NLRC4: variants seen among roughly 807,000 people sequenced by gnomAD.
NLRC4 encodes NLR family CARD domain containing 4.
NLRC4 carries 63 observed loss-of-function variants against 79.9 expected under a neutral mutation model. The observed-to-expected ratio is 0.79, with a 90% confidence interval of 0.64 to 0.97. The LOEUF (loss-of-function observed/expected upper bound fraction) is 0.97. Among genes scored for constraint, NLRC4 ranks in the 50% least tolerant of loss-of-function variants. The pLI is 0.00. For synonymous variants in NLRC4, 461 were observed against 456.5 expected (o/e 1.01, Z -0.12); for missense variants, 1,074 against 1,215.2 (o/e 0.88, Z 1.73).
Position 32,224,607 on chromosome 2 carries a change from G to C in NLRC4, c.2941C>G (p.Pro981Ala). The change falls in exon 9 of 9, where the codon CCA becomes GCA. Residue 981 changes from proline to alanine, a missense_variant. Transcript: ENST00000402280. Reference protein sequence around the residue: ...DFSTKEFLPDPALVRKLSQVL... With the variant: ...DFSTKEFLPDAALVRKLSQVL... ...TGGCTAAGTTTTCTGACTAATGCTGGATCAGGTAGAAATTCTTTAGTACTA... is the reference window on the plus strand; with the variant it reads ...TGGCTAAGTTTTCTGACTAATGCTGCATCAGGTAGAAATTCTTTAGTACTA... The C allele has an allele frequency of 6.2e-7, 1 of 1,613,850 alleles. No individual in the cohort carries two copies.
At chr2:32,241,369 C>CTTTTTTTTTTTT (rs34150887) in intron 4 of NLRC4, among the ~76,000 whole-genome samples, 1 of 74,360 alleles carries the variant, frequency 1.3e-5, no homozygotes, top group Non-Finnish European at 2.4e-5. Flanking sequence ...AAAAAATTTC[C>CTTTTTTTTTTTT]TTTTTTTTTT....
intron 6 of NLRC4, 117 bp downstream of exon 6, chr2:32,238,011 TTTTA>T (rs1686711311): frequency 2.9e-6 from 2 of 693,312 alleles, no homozygotes; most frequent in African/African-American, 3.7e-5. Flanking sequence ...ATCGAGAAGT[TTTTA>T]TTTTCCAGTT....
intron 1 of NLRC4, among the ~76,000 whole-genome samples, chr2:32,263,118 G>A (rs1358057430): frequency 6.6e-6 from 1 of 152,094 alleles, no homozygotes; most frequent in African/African-American, 2.4e-5. Context: ...TATAACCCAC[G>A]TCTATGGGGT....
chr2:32,229,265 A>T (rs1361489740), intron 8 of NLRC4, among the ~76,000 whole-genome samples: 2 of 151,894 alleles, frequency 1.3e-5, no homozygotes, highest in African/African-American at 2.4e-5. Flanking sequence ...CCTCGTCTCT[A>T]CTAAAAATAC....
intron 5 of NLRC4, among the ~76,000 whole-genome samples, chr2:32,239,739 G>A (rs563925261): frequency 6.6e-6 from 1 of 152,282 alleles, no homozygotes; most frequent in East Asian, 1.9e-4. Flanking sequence ...CTATCCTAGA[G>A]AGGTACTTTT....
At chr2:32,236,362 A>G in intron 6 of NLRC4, 23 bp from the exon 7 acceptor site, 1 of 1,425,542 alleles carries the variant, frequency 7.0e-7, no homozygotes, top group African/African-American at 1.4e-5. Context: ...AGTAATCCAA[A>G]ATAAAAAGAT....
rs57570626 is a variant in NLRC4 at position 32,259,262 on chromosome 2, A to ATTTTTTTTTTTTTTTTTTTTTTTTTTT, written c.-118-2396_-118-2370dup. Among the ~76,000 whole-genome samples, 17 of 52,896 alleles carry ATTTTTTTTTTTTTTTTTTTTTTTTTTT rather than the reference A, an allele frequency of 3.2e-4. 3 individuals are homozygous for ATTTTTTTTTTTTTTTTTTTTTTTTTTT. Among genetic ancestry groups the ATTTTTTTTTTTTTTTTTTTTTTTTTTT allele is most frequent in the East Asian group, 5.0e-4 (1 of 2,004 alleles). The allele number at this position is 52,896 out of a possible 152,430, so 34.7% of individuals were successfully genotyped here. The stretch of plus-strand genomic sequence containing the variant: ...AGGTGTGTGCCACCATGCCTGGCTA[A>ATTTTTTTTTTTTTTTTTTTTTTTTTTT]TTTTTTTTTTTTTTTTTTTTTTTTT... On this transcript the variant is annotated intron_variant, in intron 1 of 8. Transcript: ENST00000402280.
rs1370139066 is a variant in NLRC4 at position 32,250,790 on chromosome 2, T to C, written c.1074A>G (p.Thr358=). ...AGAAGGTATGGAACAGCGTTGTTTG[T>C]GTGTGAGAGTGGAACTCACTTTCAC... ...QMGESEFHSH[T]QTTLFHTFYD... The change falls in exon 4 of 9, where the codon ACA becomes ACG. Residue 358 remains threonine (T), a synonymous_variant. Coordinates refer to ENST00000402280, the MANE Select transcript of NLRC4 (RefSeq NM_001199138.2). The surrounding 1 kb of genome is among the most constrained non-coding windows in gnomAD (Gnocchi z 4.9). 6.2e-7 allele frequency: 1 copy of C among 1,614,226 alleles called. No homozygotes were observed. The highest frequency in any genetic ancestry group is 8.5e-7 in the Non-Finnish European group (1 of 1,180,034).
At chr2:32,232,898 A>G (rs1264351465) in intron 8 of NLRC4, among the ~76,000 whole-genome samples, 5 of 152,106 alleles carry the variant, frequency 3.3e-5, no homozygotes, top group African/African-American at 1.2e-4. Context: ...GTCATAATCT[A>G]GTCATTGCAT....
At chr2:32,260,216 A>C (rs1279880479) in intron 1 of NLRC4, among the ~76,000 whole-genome samples, 1 of 149,378 alleles carries the variant, frequency 6.7e-6, no homozygotes, top group African/African-American at 2.5e-5. Context: ...GCAACGACAA[A>C]AAAAAAAAAA....
intron 5 of NLRC4, among the ~76,000 whole-genome samples, chr2:32,240,196 G>C (rs543438967): frequency 1.3e-5 from 2 of 152,112 alleles, no homozygotes; most frequent in Non-Finnish European, 2.9e-5. Context: ...GGCCAGGCTG[G>C]TCTCGAACTC....
intron 1 of NLRC4, among the ~76,000 whole-genome samples, chr2:32,262,070 A>G (rs1460256523): frequency 6.6e-6 from 1 of 151,990 alleles, no homozygotes; most frequent in Non-Finnish European, 1.5e-5. Flanking sequence ...ACAGAGCGAG[A>G]CTCTGGGTCA....
chr2:32,238,571 A>G lies in NLRC4; in HGVS notation c.2351-269T>C, dbSNP rs575708103. ...CTGTAGTAAATTTGTAGTCTTTTTA[A>G]TGGGCATCAATGTATACTCTTACCG... On this transcript the variant is annotated intron_variant, in intron 5 of 8. Coordinates refer to ENST00000402280, the MANE Select transcript of NLRC4 (RefSeq NM_001199138.2). Among the ~76,000 whole-genome samples the G allele has an allele frequency of 7.9e-5, 12 of 152,262 alleles. No individual in the cohort carries two copies. In the South Asian group the frequency reaches 8.3e-4, roughly 11 times the overall value.
At chr2:32,235,819 TG>T (rs1464414832) in intron 7 of NLRC4, among the ~76,000 whole-genome samples, 1 of 152,212 alleles carries the variant, frequency 6.6e-6, no homozygotes, top group Non-Finnish European at 1.5e-5. Flanking sequence ...TGGGCAATCT[TG>T]CTTAATCCTG....
At chr2:32,245,203 C>T (rs567207784) in intron 4 of NLRC4, among the ~76,000 whole-genome samples, 3 of 149,814 alleles carry the variant, frequency 2.0e-5, no homozygotes, top group African/African-American at 4.9e-5. Context: ...CCCAGCTACT[C>T]AGGAGGCTGA....
chr2:32,259,059 G>T (rs1427345211), intron 1 of NLRC4, among the ~76,000 whole-genome samples: 1 of 152,056 alleles, frequency 6.6e-6, no homozygotes, highest in East Asian at 1.9e-4. Context: ...GGGAACTCAT[G>T]TGGATGGGGT....
chr2:32,224,731 G>A lies in NLRC4; in HGVS notation c.2817C>T (p.Phe939=). The change falls in exon 9 of 9, where the codon TTC becomes TTT. Residue 939 remains phenylalanine (F), a synonymous_variant. Transcript: ENST00000402280. ...GATTTCCCGCCAAATTCAACTGCTG[G>A]AAGTTTTTCAGAGGGTTCTTTCCAA... ...AFFGKNPLKN[F]QQLNLAGNRV... is the part of the protein sequence containing the mutation. 1 of 1,594,298 alleles carries A rather than the reference G, an allele frequency of 6.3e-7. No individual in the cohort carries two copies. Among genetic ancestry groups the A allele is most frequent in the Non-Finnish European group, 8.5e-7 (1 of 1,170,878 alleles).
At position 32,249,979 on chromosome 2, in the gene NLRC4, C is replaced by T. The variant is rs1440198409; in HGVS notation, c.1885G>A (p.Glu629Lys). 1 of 1,614,222 alleles carries T rather than the reference C, an allele frequency of 6.2e-7. No homozygotes were observed. The highest frequency in any genetic ancestry group is 1.7e-5 in the Admixed American group (1 of 60,030). ...GAMASWEKAAEDTGGIHMEEA... is the reference protein window; with the variant it reads ...GAMASWEKAAKDTGGIHMEEA... ...TCCATGTGGATTCCACCTGTGTCTT[C>T]TGCAGCCTTTTCCCATGAAGCCATA... is the stretch of plus-strand genomic sequence containing the variant. The change falls in exon 4 of 9, where the codon GAA becomes AAA. Residue 629 changes from glutamate to lysine, a missense_variant. By Grantham distance (56) the Glu-to-Lys change is moderately conservative (BLOSUM62 1). Coordinates refer to ENST00000402280, the MANE Select transcript of NLRC4 (RefSeq NM_001199138.2).
chr2:32,237,041 C>T (rs1038765299), intron 6 of NLRC4, among the ~76,000 whole-genome samples: 1 of 152,086 alleles, frequency 6.6e-6, no homozygotes, highest in Non-Finnish European at 1.5e-5. Flanking sequence ...ATGACAAAGA[C>T]ACAAATATGT....
Sources: allele counts gnomAD v4.1 joint callset (sites outside exome capture counted in the v4.1 genomes callset), GRCh38; gene constraint gnomAD v4.1.1; non-coding constraint Gnocchi (gnomAD v3.1); transcripts MANE v1.5; gene names NCBI Gene and HGNC (gene_info 2026-07-23, HGNC 2026-07-21).